The following PLEKHM3 variants were observed in gnomAD, a reference collection of about 807,000 sequenced individuals.
The protein encoded by PLEKHM3 is pleckstrin homology domain-containing family M member 3.
Under a neutral mutation model 81.8 loss-of-function variants are expected in PLEKHM3, and 45 were observed. That is an observed-to-expected ratio of 0.55 (90% CI 0.43 to 0.71). The LOEUF (loss-of-function observed/expected upper bound fraction) is 0.71, where lower values mean the gene tolerates loss of function less well. PLEKHM3 is among the 30% of genes least tolerant of loss of function. The pLI is 0.00. For synonymous variants in PLEKHM3, 352 were observed against 356.4 expected, an observed-to-expected ratio of 0.99 and a Z score of 0.14; for missense variants, 788 against 924.3, an observed-to-expected ratio of 0.85 and a Z score of 1.91.
intron 4 of PLEKHM3, among the ~76,000 whole-genome samples, chr2:207,946,014 A>G (rs1158703172): frequency 6.6e-6 from 1 of 152,214 alleles, no homozygotes; most frequent in Non-Finnish European, 1.5e-5. Context: ...GATCACTAGC[A>G]TGTTCATGCA....
At chr2:207,930,191 G>A (rs922186162) in intron 5 of PLEKHM3, among the ~76,000 whole-genome samples, 1 of 152,228 alleles carries the variant, frequency 6.6e-6, no homozygotes, top group African/African-American at 2.4e-5. Flanking sequence ...CTGCACCCAC[G>A]GTAAGATGAA....
At chr2:207,999,674 C>T (rs1298571247) in intron 2 of PLEKHM3, among the ~76,000 whole-genome samples, 3 of 151,808 alleles carry the variant, frequency 2.0e-5, no homozygotes, top group African/African-American at 7.3e-5. Context: ...TGGTCACTAC[C>T]CTTGGCTAGA....
chr2:207,877,755 T>G (rs1170340303), intron 6 of PLEKHM3, among the ~76,000 whole-genome samples: 1 of 152,220 alleles, frequency 6.6e-6, no homozygotes, highest in Non-Finnish European at 1.5e-5. Flanking sequence ...AAGCTACTAC[T>G]GTCTTATCTT....
intron 6 of PLEKHM3, among the ~76,000 whole-genome samples, chr2:207,893,232 T>C (rs755375575): frequency 6.6e-6 from 1 of 152,220 alleles, no homozygotes; most frequent in Non-Finnish European, 1.5e-5. Flanking sequence ...CCAAAGCCTT[T>C]TGTGGCCAAA....
intron 1 of PLEKHM3, among the ~76,000 whole-genome samples, chr2:208,003,580 A>C (rs747031014): frequency 1.8e-4 from 28 of 152,160 alleles, no homozygotes; most frequent in Non-Finnish European, 3.5e-4. Context: ...ATGATTATGA[A>C]TTTGTCTACT....
intron 1 of PLEKHM3, among the ~76,000 whole-genome samples, chr2:208,008,525 A>C (rs1266870188): frequency 2.9e-5 from 4 of 140,164 alleles, no homozygotes; most frequent in East Asian, 2.1e-4. Context: ...AAAAAAAAAA[A>C]CAGACAAAAA....
At chr2:207,899,361 G>T (rs969761170) in intron 6 of PLEKHM3, among the ~76,000 whole-genome samples, 1 of 152,208 alleles carries the variant, frequency 6.6e-6, no homozygotes, top group African/African-American at 2.4e-5. Flanking sequence ...AGAATCATGA[G>T]CAGCTTTGAC....
intron 7 of PLEKHM3, among the ~76,000 whole-genome samples, chr2:207,833,846 T>G (rs1394970359): frequency 1.3e-5 from 2 of 152,254 alleles, no homozygotes; most frequent in Non-Finnish European, 2.9e-5. Flanking sequence ...AAGTGTCACC[T>G]GCTGGCTTAC....
chr2:207,900,953 A>G (rs1688402994), intron 6 of PLEKHM3: 2 of 325,130 alleles, frequency 6.2e-6, no homozygotes, highest in Admixed American at 9.3e-5. Flanking sequence ...CAAAAACCCA[A>G]CAACAACAAC....
chr2:207,947,198 C>T (rs1690161345), intron 3 of PLEKHM3, among the ~76,000 whole-genome samples: 1 of 152,232 alleles, frequency 6.6e-6, no homozygotes, highest in African/African-American at 2.4e-5. Context: ...GAACTCTCCT[C>T]ATTGTTCCCC....
rs146567117 is a variant in PLEKHM3 at position 207,957,714 on chromosome 2, A to C, written c.1547-11202T>G. Among the ~76,000 whole-genome samples, 1,026 of 152,322 alleles carry C rather than the reference A, an allele frequency of 6.7e-3. 13 individuals carry two copies. The highest frequency in any genetic ancestry group is 0.02 in the African/African-American group (847 of 41,564). On this transcript the variant is annotated intron_variant, in intron 3 of 7. Coordinates refer to ENST00000427836, the MANE Select transcript of PLEKHM3 (RefSeq NM_001080475.3). ...CTCTGTCTCAAAAAACAAAACAAAA[A>C]AAAAGTATGTGGTATGAAATAATCA... is the stretch of plus-strand genomic sequence containing the variant.
chr2:208,011,187 T>G (rs1692679681), intron 1 of PLEKHM3, among the ~76,000 whole-genome samples: 1 of 152,140 alleles, frequency 6.6e-6, no homozygotes, highest in African/African-American at 2.4e-5. Context: ...TGGCGATTCC[T>G]TTAAGAACTA....
chr2:207,867,022 A>G (rs569080355), intron 6 of PLEKHM3, among the ~76,000 whole-genome samples: 1 of 152,372 alleles, frequency 6.6e-6, no homozygotes, highest in Non-Finnish European at 1.5e-5. Context: ...ATCTAAGAGA[A>G]TATAAATTGC....
intron 2 of PLEKHM3, among the ~76,000 whole-genome samples, chr2:208,000,564 T>C (rs926735837): frequency 2.2e-4 from 33 of 152,276 alleles, no homozygotes; most frequent in Admixed American, 1.8e-3. Flanking sequence ...TGGTGTTGGA[T>C]CCCCTCAGCT....
At chr2:207,993,570 T>C (rs1428106775) in intron 2 of PLEKHM3, among the ~76,000 whole-genome samples, 1 of 150,872 alleles carries the variant, frequency 6.6e-6, no homozygotes, top group Non-Finnish European at 1.5e-5. Flanking sequence ...AAACCTGAGA[T>C]AAAGAAACTA....
chr2:207,996,055 A>T (rs1483338863), intron 2 of PLEKHM3, among the ~76,000 whole-genome samples: 1 of 152,226 alleles, frequency 6.6e-6, no homozygotes, highest in Admixed American at 6.5e-5. Context: ...TTCCTGTAAG[A>T]AGGGAAATCT....
At chr2:207,850,429 A>G (rs891279795) in intron 7 of PLEKHM3, among the ~76,000 whole-genome samples, 1 of 152,220 alleles carries the variant, frequency 6.6e-6, no homozygotes, top group Non-Finnish European at 1.5e-5. Context: ...AGGATGACTT[A>G]CATGTCACAT....
intron 6 of PLEKHM3, among the ~76,000 whole-genome samples, chr2:207,887,856 G>A (rs1050457123): frequency 2.6e-5 from 4 of 152,094 alleles, no homozygotes; most frequent in African/African-American, 7.2e-5. Context: ...TCAAGGTTAG[G>A]GCAGGAGATA....
rs1691309381 is a variant in PLEKHM3, at chr2:207,976,396, A to C, written c.1546+255T>G. Reference sequence around the variant, plus strand: ...AGTCTGGTTAAGCTTTAGCCAAATCATTTTGATTCAACAGGATATATCATA... The same window carrying C: ...AGTCTGGTTAAGCTTTAGCCAAATCCTTTTGATTCAACAGGATATATCATA... On this transcript the variant is annotated intron_variant, in intron 3 of 7. Coordinates refer to ENST00000427836, the MANE Select transcript of PLEKHM3 (RefSeq NM_001080475.3). This position sits in a 1 kb window ranked among gnomAD's most constrained non-coding sequence, Gnocchi z 4.1. Among the ~76,000 whole-genome samples the C allele has an allele frequency of 6.6e-6, 1 of 152,250 alleles. No individual in the cohort carries two copies. The highest frequency in any genetic ancestry group is 2.1e-4 in the South Asian group (1 of 4,838).
Sources: allele counts gnomAD v4.1 joint callset (sites outside exome capture counted in the v4.1 genomes callset), GRCh38; gene constraint gnomAD v4.1.1; non-coding constraint Gnocchi (gnomAD v3.1); transcripts MANE v1.5; gene names NCBI Gene and HGNC (gene_info 2026-07-23, HGNC 2026-07-21).